PCDHGB2: variants seen among roughly 807,000 people sequenced by gnomAD.
The protein encoded by PCDHGB2 is protocadherin gamma-B2.
PCDHGB2 carries 55 observed loss-of-function variants against 59.3 expected under a neutral mutation model. That is an observed-to-expected ratio of 0.93 (90% confidence interval 0.75 to 1.16). PCDHGB2 has a LOEUF of 1.16. Ranked by LOEUF, PCDHGB2 falls within the 50% of genes most tolerant of loss-of-function variation. The probability of loss-of-function intolerance (pLI) is 0.00; values close to 1 mark genes in which losing one functional copy is unlikely to be tolerated. For missense variants in PCDHGB2, 1,228 were observed against 1,198.5 expected (o/e 1.02, Z -0.36); for synonymous variants, 516 against 512.0 (o/e 1.01, Z -0.11).
chr5:141,384,282 C>T (rs1230546899), intron 1 of PCDHGB2: 3 of 1,613,858 alleles, frequency 1.9e-6, no homozygotes, highest in African/African-American at 1.3e-5. Flanking sequence ...CAGTCTACAT[C>T]GCTGAGAACA....
Position 141,476,162 on chromosome 5 carries a change from G to A in PCDHGB2, c.2422-18645G>A. 6.2e-7 allele frequency: 1 copy of A among 1,613,038 alleles called. No homozygotes were observed. Among genetic ancestry groups the A allele is most frequent in the South Asian group, 1.1e-5 (1 of 91,040 alleles). Reference sequence around the variant, plus strand: ...GAGCGGACTGGTAAGCACCGGGAGGGTAGTGGGAGTTTTGCTTCTGCTTGG... The same window carrying A: ...GAGCGGACTGGTAAGCACCGGGAGGATAGTGGGAGTTTTGCTTCTGCTTGG... On this transcript the variant is annotated intron_variant, in intron 1 of 3. Coordinates refer to ENST00000522605, the MANE Select transcript of PCDHGB2 (RefSeq NM_018923.3). The surrounding 1 kb of genome is among the most constrained non-coding windows in gnomAD (Gnocchi z 7.6).
At chr5:141,427,857 G>T (rs746661329) in intron 1 of PCDHGB2, 2 of 1,554,576 alleles carry the variant, frequency 1.3e-6, no homozygotes, top group Admixed American at 3.3e-5. Flanking sequence ...GCAGCTGTGC[G>T]CCTTCGAGCT....
intron 1 of PCDHGB2, chr5:141,405,099 T>C: frequency 6.2e-7 from 1 of 1,613,942 alleles, no homozygotes; most frequent in East Asian, 2.2e-5. Flanking sequence ...GCCCTCAGGC[T>C]GAGGCACTGG....
At chr5:141,402,332 A>G (rs991402257) in intron 1 of PCDHGB2, among the ~76,000 whole-genome samples, 2 of 152,036 alleles carry the variant, frequency 1.3e-5, no homozygotes, top group African/African-American at 4.8e-5. Flanking sequence ...TTACAAATAT[A>G]TAGGTATAAA....
intron 1 of PCDHGB2, chr5:141,384,465 T>A (rs1561602415): frequency 6.2e-7 from 1 of 1,614,118 alleles, no homozygotes; most frequent in Non-Finnish European, 8.5e-7. Flanking sequence ...CCTTTGATTA[T>A]GAGCAGTTGA....
chr5:141,487,968 T>C lies in PCDHGB2; in HGVS notation c.2422-6839T>C, dbSNP rs2099670029. Among the ~76,000 whole-genome samples the C allele has an allele frequency of 6.6e-6, 1 of 152,236 alleles. No individual in the cohort carries two copies. The highest frequency in any genetic ancestry group is 1.5e-5 in the Non-Finnish European group (1 of 68,050). On this transcript the variant is annotated intron_variant, in intron 1 of 3. Transcript: ENST00000522605. This position sits in a 1 kb window ranked among gnomAD's most constrained non-coding sequence, Gnocchi z 5.0. The stretch of plus-strand genomic sequence containing the variant: ...AGGCAGTCACTTGGACAAAGGTGGC[T>C]GTTTTCTCTACTCTTCCTGAAAGAG...
At chr5:141,404,252 A>G (rs2094504105) in intron 1 of PCDHGB2, 8 of 1,613,986 alleles carry the variant, frequency 5.0e-6, no homozygotes, top group South Asian at 1.1e-5. Context: ...GCCCCTGTCC[A>G]CAGAAATTCA....
intron 1 of PCDHGB2, chr5:141,404,334 T>TC: frequency 6.2e-7 from 1 of 1,613,882 alleles, no homozygotes; most frequent in Non-Finnish European, 8.5e-7. Context: ...TCAGTCTACC[T>TC]CCCGGAAAAC....
chr5:141,372,042 G>T (rs373749332), intron 1 of PCDHGB2: 26 of 1,613,362 alleles, frequency 1.6e-5, no homozygotes, highest in African/African-American at 2.7e-5. Flanking sequence ...GAGCCTGCGC[G>T]TGTTGGTGGA....
In PCDHGB2 at chr5:141,477,472, C is replaced by T. The variant is rs764533834; in HGVS notation, c.2422-17335C>T. 1 of 1,614,156 alleles carries T rather than the reference C, an allele frequency of 6.2e-7. No homozygotes were observed. Among genetic ancestry groups the T allele is most frequent in the South Asian group, 1.1e-5 (1 of 91,080 alleles). Reference sequence around the variant, plus strand: ...GTGTTCAAGTGTCCGACATCAATGACAACCCTCCACAATCTTCTCAATCTT... The same window carrying T: ...GTGTTCAAGTGTCCGACATCAATGATAACCCTCCACAATCTTCTCAATCTT... On this transcript the variant is annotated intron_variant, in intron 1 of 3. Transcript: ENST00000522605. This position sits in a 1 kb window ranked among gnomAD's most constrained non-coding sequence, Gnocchi z 4.9.
intron 1 of PCDHGB2, chr5:141,398,503 A>G (rs2093664041): frequency 1.9e-6 from 3 of 1,601,316 alleles, no homozygotes; most frequent in Non-Finnish European, 1.7e-6. Flanking sequence ...GATCGAGGAC[A>G]TTAATGACCA....
intron 1 of PCDHGB2, chr5:141,365,848 C>A: frequency 6.2e-7 from 1 of 1,614,008 alleles, no homozygotes; most frequent in Non-Finnish European, 8.5e-7. Flanking sequence ...CCTATGTATC[C>A]ATTAACTCTG....
chr5:141,364,385 C>T, intron 1 of PCDHGB2: 1 of 1,591,060 alleles, frequency 6.3e-7, no homozygotes, highest in Non-Finnish European at 8.6e-7. Context: ...GCCCTTCATG[C>T]TCCTGGGGAC....
At chr5:141,387,999 G>A (rs923312530) in intron 1 of PCDHGB2, 2 of 1,487,266 alleles carry the variant, frequency 1.3e-6, no homozygotes, top group Non-Finnish European at 1.8e-6. Flanking sequence ...CAGGATTCCC[G>A]AGGAAATGCC....
Position 141,476,944 on chromosome 5 carries a change from C to T in PCDHGB2, c.2422-17863C>T, listed in dbSNP as rs1360022622. The T allele has an allele frequency of 3.3e-5, 53 of 1,614,072 alleles. No homozygotes were observed. The highest frequency in any genetic ancestry group is 4.1e-5 in the Non-Finnish European group (48 of 1,180,052). ...CAACGGATCTGGATGAAGGCCCCAACGGTGAAATTATTTACTCCTTCGGCA... is the reference window on the plus strand; with the variant it reads ...CAACGGATCTGGATGAAGGCCCCAATGGTGAAATTATTTACTCCTTCGGCA... On this transcript the variant is annotated intron_variant, in intron 1 of 3. Transcript: ENST00000522605. The surrounding 1 kb of genome is among the most constrained non-coding windows in gnomAD (Gnocchi z 7.6).
chr5:141,476,205 C>G lies in PCDHGB2; in HGVS notation c.2422-18602C>G. ...CTGCTTGGTGCCTTGAACAAGGCTT[C>G]CACGGTCATTCACTATGAGATCCCG... On this transcript the variant is annotated intron_variant, in intron 1 of 3. Transcript: ENST00000522605. The surrounding 1 kb of genome is among the most constrained non-coding windows in gnomAD (Gnocchi z 7.6). 1 of 1,613,892 alleles carries G rather than the reference C, an allele frequency of 6.2e-7. No homozygotes were observed. Among genetic ancestry groups the G allele is most frequent in the Non-Finnish European group, 8.5e-7 (1 of 1,180,012 alleles).
chr5:141,502,242 CT>C (rs989546500), intron 2 of PCDHGB2, among the ~76,000 whole-genome samples: 27 of 151,950 alleles, frequency 1.8e-4, no homozygotes, highest in African/African-American at 6.3e-4. Context: ...TTCTTTTATC[CT>C]TTTTTTTAAT....
At chr5:141,433,308 C>A in intron 1 of PCDHGB2, 2 of 915,352 alleles carry the variant, frequency 2.2e-6, no homozygotes, top group Non-Finnish European at 1.6e-6. Context: ...ATTATCCCAC[C>A]TTTGCCTCCG....
intron 1 of PCDHGB2, chr5:141,410,797 C>T: frequency 3.0e-6 from 2 of 675,992 alleles, no homozygotes; most frequent in South Asian, 3.2e-5. Flanking sequence ...TCATAAGTTG[C>T]TCTATCTTTT....
Sources: gnomAD v4.1 joint callset for allele counts (sites outside exome capture counted in the v4.1 genomes callset) on GRCh38, gnomAD v4.1.1 for gene constraint, Gnocchi (gnomAD v3.1) non-coding constraint, MANE v1.5 for transcripts, NCBI Gene and HGNC (gene_info 2026-07-23, HGNC 2026-07-21) for gene names.